Variants in APBA1 observed in about 807,000 individuals in gnomAD.
APBA1 encodes the protein amyloid beta precursor protein binding family A member 1.
In APBA1, 55 loss-of-function variants were observed where a neutral mutation model predicts 86.6. That is an observed-to-expected ratio of 0.64 (90% CI 0.51 to 0.80). The LOEUF (loss-of-function observed/expected upper bound fraction) is 0.80. Among genes scored for constraint, APBA1 ranks in the 30% least tolerant of loss-of-function variants. APBA1 has a pLI of 0.00. For synonymous variants in APBA1, 511 were observed against 493.9 expected, an observed-to-expected ratio of 1.03 and a Z score of -0.46; for missense variants, 1,090 against 1,183.0, an observed-to-expected ratio of 0.92 and a Z score of 1.15.
At chr9:69,662,575 T>C (rs1463738204) in intron 1 of APBA1, among the ~76,000 whole-genome samples, 1 of 152,236 alleles carries the variant, frequency 6.6e-6, no homozygotes, top group Non-Finnish European at 1.5e-5. Context: ...TTCCAGGTAC[T>C]AGCTCAGGGA....
chr9:69,552,276 A>G (rs755468751), intron 1 of APBA1, among the ~76,000 whole-genome samples: 3 of 152,238 alleles, frequency 2.0e-5, no homozygotes, highest in Non-Finnish European at 4.4e-5. Context: ...GAGCCTAGAT[A>G]TGTCCTCCAC....
intron 1 of APBA1, among the ~76,000 whole-genome samples, chr9:69,595,584 C>A (rs1481390172): frequency 6.6e-6 from 1 of 152,220 alleles, no homozygotes; most frequent in African/African-American, 2.4e-5. Flanking sequence ...TTCGTGATAA[C>A]TGTTTCCTTT....
intron 1 of APBA1, among the ~76,000 whole-genome samples, chr9:69,609,976 T>C (rs1822551209): frequency 6.6e-6 from 1 of 152,166 alleles, no homozygotes; most frequent in Admixed American, 6.5e-5. Context: ...TGGTGAGTCC[T>C]TATTGACTTA....
Position 69,640,871 on chromosome 9 carries a change from C to T in APBA1, c.-70+31282G>A, listed in dbSNP as rs574455170. ...TCTCATCATTTCAATTATTTCAATT[C>T]AATATTGGTGGTCCTAGCCCATGTA... On this transcript the variant is annotated intron_variant, in intron 1 of 12. Coordinates refer to ENST00000265381, the MANE Select transcript of APBA1 (RefSeq NM_001163.4). 2.6e-4 allele frequency among the ~76,000 whole-genome samples: 39 copies of T among 149,580 alleles called. No homozygotes were observed. In the South Asian group the frequency reaches 4.9e-3, roughly 19 times the overall value.
At chr9:69,447,047 C>T (rs949265406) in intron 10 of APBA1, among the ~76,000 whole-genome samples, 3 of 152,170 alleles carry the variant, frequency 2.0e-5, no homozygotes, top group Non-Finnish European at 2.9e-5. Context: ...CAGGTTCTGG[C>T]AAGAGCCCCT....
intron 11 of APBA1, among the ~76,000 whole-genome samples, chr9:69,440,519 G>GT (rs981416436): frequency 2.6e-5 from 4 of 152,208 alleles, no homozygotes; most frequent in Non-Finnish European, 4.4e-5. Flanking sequence ...CCACCTTGCA[G>GT]TTTGATCTCA....
intron 1 of APBA1, among the ~76,000 whole-genome samples, chr9:69,607,017 G>C (rs1480129300): frequency 1.3e-5 from 2 of 152,136 alleles, no homozygotes; most frequent in African/African-American, 4.8e-5. Context: ...TTCTTTTAAA[G>C]AAACCCCCAT....
chr9:69,659,639 A>C (rs754719167), intron 1 of APBA1, among the ~76,000 whole-genome samples: 3 of 152,134 alleles, frequency 2.0e-5, no homozygotes, highest in Admixed American at 6.5e-5. Flanking sequence ...AGCAAACAAA[A>C]TCCTGAGCCT....
At chr9:69,651,418 T>C (rs987198800) in intron 1 of APBA1, among the ~76,000 whole-genome samples, 15 of 151,098 alleles carry the variant, frequency 9.9e-5, no homozygotes, top group South Asian at 2.1e-4. Flanking sequence ...TTACTGTATG[T>C]GTTTTACTTC....
intron 9 of APBA1, among the ~76,000 whole-genome samples, chr9:69,450,691 G>C (rs1299536543): frequency 6.6e-6 from 1 of 152,160 alleles, no homozygotes; most frequent in Non-Finnish European, 1.5e-5. Flanking sequence ...CTTTGACTTA[G>C]ATTGTGACTT....
chr9:69,542,123 G>C (rs567187368), intron 1 of APBA1, among the ~76,000 whole-genome samples: 3 of 151,874 alleles, frequency 2.0e-5, no homozygotes, highest in Non-Finnish European at 4.4e-5. Flanking sequence ...GCAGTTTTAC[G>C]TTCTCAACAA....
chr9:69,606,386 G>A (rs777023445), intron 1 of APBA1, among the ~76,000 whole-genome samples: 14 of 149,508 alleles, frequency 9.4e-5, no homozygotes, highest in East Asian at 4.1e-4. Flanking sequence ...ACTTTACGAG[G>A]TAGGCTTTAT....
intron 3 of APBA1, among the ~76,000 whole-genome samples, chr9:69,475,443 C>T (rs754905971): frequency 5.9e-5 from 9 of 152,120 alleles, no homozygotes; most frequent in African/African-American, 1.7e-4. Context: ...TTTCCAGCAC[C>T]GTGGAAAGTT....
At chr9:69,527,037 C>T (rs982515112) in intron 1 of APBA1, among the ~76,000 whole-genome samples, 1 of 151,942 alleles carries the variant, frequency 6.6e-6, no homozygotes, top group Non-Finnish European at 1.5e-5. Flanking sequence ...TGGGTACTCA[C>T]GGACATAAAG....
At chr9:69,439,765 A>C (rs1249670866) in intron 11 of APBA1, among the ~76,000 whole-genome samples, 1 of 152,208 alleles carries the variant, frequency 6.6e-6, no homozygotes, top group East Asian at 1.9e-4. Flanking sequence ...GATCTTCTGA[A>C]GCCTTCTTCT....
intron 1 of APBA1, among the ~76,000 whole-genome samples, chr9:69,616,228 T>C (rs1333574703): frequency 6.6e-6 from 1 of 152,200 alleles, no homozygotes; most frequent in African/African-American, 2.4e-5. Context: ...AAAAAATCAC[T>C]CTATATTTCT....
At chr9:69,645,657 G>A (rs991806104) in intron 1 of APBA1, among the ~76,000 whole-genome samples, 4 of 152,216 alleles carry the variant, frequency 2.6e-5, no homozygotes, top group African/African-American at 9.6e-5. Context: ...GGGAGCTCGT[G>A]CTCTCTTCAG....
At chr9:69,497,943 T>G (rs909269207) in intron 2 of APBA1, among the ~76,000 whole-genome samples, 2 of 152,052 alleles carry the variant, frequency 1.3e-5, no homozygotes. Flanking sequence ...TGCCCTAAAT[T>G]TGAAGCCCAG....
At chr9:69,464,298 CAG>C (rs1399130806) in intron 5 of APBA1, 2 of 152,212 alleles carry the variant, frequency 1.3e-5, no homozygotes, top group African/African-American at 4.8e-5. Context: ...GAACATGAAA[CAG>C]AAAATATTTA....
Sources: allele counts gnomAD v4.1 joint callset (sites outside exome capture counted in the v4.1 genomes callset), GRCh38; gene constraint gnomAD v4.1.1; transcripts MANE v1.5; gene names NCBI Gene and HGNC (gene_info 2026-07-23, HGNC 2026-07-21).